Variants in FRA10AC1 observed in about 807,000 individuals in gnomAD.
FRA10AC1 encodes the protein protein FRA10AC1.
FRA10AC1 carries 43 observed loss-of-function variants against 56.5 expected under a neutral mutation model. The observed-to-expected ratio is 0.76, with a 90% CI of 0.60 to 0.98. The LOEUF (loss-of-function observed/expected upper bound fraction) is 0.98, where lower values mean the gene tolerates loss of function less well. FRA10AC1 is among the 50% of genes least tolerant of loss of function. The pLI, the probability that FRA10AC1 is intolerant of heterozygous loss-of-function variation, is 0.00. For synonymous variants in FRA10AC1, 112 were observed against 110.5 expected, an observed-to-expected ratio of 1.01 and a Z score of -0.09; for missense variants, 346 against 351.8, an observed-to-expected ratio of 0.98 and a Z score of 0.13.
Position 93,668,578 on chromosome 10 carries a change from G to A in FRA10AC1, c.*1248C>T, listed in dbSNP as rs914911496. ...TAAAGACATACCAGAGACTGGGGAA[G>A]AAAAAGAGGTTTAATTGGACTTACA... On this transcript the variant is annotated 3_prime_UTR_variant, in exon 14 of 14. Transcript: ENST00000359204. 1.3e-5 allele frequency: 2 copies of A among 153,686 alleles called. No homozygotes were observed. The highest frequency in any genetic ancestry group is 6.5e-5 in the Admixed American group (1 of 15,288). The allele number at this position is 153,686 out of a possible 1,614,324, so 9.5% of individuals were successfully genotyped here. A position where few individuals can be genotyped will look rare whatever the true frequency, so the allele number is the denominator to read the frequency against.
chr10:93,680,515 GCTA>G (rs1357718576), intron 11 of FRA10AC1, among the ~76,000 whole-genome samples: 1 of 152,136 alleles, frequency 6.6e-6, no homozygotes, highest in Non-Finnish European at 1.5e-5. Context: ...TTTAAACTCT[GCTA>G]CATAATGAAT....
chr10:93,700,099 C>T lies in FRA10AC1; in HGVS notation c.8G>A (p.Gly3Asp). The T allele has an allele frequency of 6.3e-7, 1 of 1,588,526 alleles. No individual in the cohort carries two copies. Among genetic ancestry groups the T allele is most frequent in the South Asian group, 1.1e-5 (1 of 90,106 alleles). The change falls in exon 2 of 14, where the codon GGT becomes GAT. Residue 3 changes from glycine to aspartate, a missense_variant. Transcript: ENST00000359204. MH[G>D]HGGYDSDFSD... ...AAAATCAGAATCATAGCCTCCATGACCATGCATCTGTAAAGGAGTACAAAG... is the reference window on the plus strand; with the variant it reads ...AAAATCAGAATCATAGCCTCCATGATCATGCATCTGTAAAGGAGTACAAAG...
intron 10 of FRA10AC1, among the ~76,000 whole-genome samples, 164 bp from the exon 11 acceptor site, chr10:93,681,762 TA>T (rs1165278173): frequency 1.3e-5 from 2 of 152,130 alleles, no homozygotes; most frequent in Non-Finnish European, 2.9e-5. Context: ...TTTATGCTTG[TA>T]TATTAATTAA....
intron 8 of FRA10AC1, among the ~76,000 whole-genome samples, chr10:93,686,404 A>G (rs998324883): frequency 6.6e-6 from 1 of 151,840 alleles, no homozygotes; most frequent in Non-Finnish European, 1.5e-5. Context: ...ATGAATTTAG[A>G]GACTACCCAT....
chr10:93,669,702 T>A lies in FRA10AC1; in HGVS notation c.*124A>T. 1 of 675,354 alleles carries A rather than the reference T, an allele frequency of 1.5e-6. No homozygotes were observed. Among genetic ancestry groups the A allele is most frequent in the East Asian group, 2.9e-5 (1 of 34,466 alleles). The allele number at this position is 675,354 out of a possible 1,614,324, so 41.8% of individuals were successfully genotyped here. ...CATTCTGAGAGAACCTGGATTTTTA[T>A]TTCCAAAGACAAACCACACAAGCTG... On this transcript the variant is annotated 3_prime_UTR_variant, in exon 14 of 14. Coordinates refer to ENST00000359204, the MANE Select transcript of FRA10AC1 (RefSeq NM_145246.5).
intron 2 of FRA10AC1, among the ~76,000 whole-genome samples, chr10:93,699,044 ATTC>A (rs1225730313): frequency 2.6e-5 from 4 of 152,132 alleles, no homozygotes; most frequent in Non-Finnish European, 5.9e-5. Context: ...GCCCAAGACA[ATTC>A]TTCTTCCGAT....
chr10:93,693,683 T>TACC lies in FRA10AC1; in HGVS notation c.297-955_297-954insGGT, dbSNP rs1377836051. ...CATATATATATACACCATATATATA[T>TACC]ATATATACCATATATATATACACAC... On this transcript the variant is annotated intron_variant, in intron 5 of 13. Coordinates refer to ENST00000359204, the MANE Select transcript of FRA10AC1 (RefSeq NM_145246.5). 4.6e-3 allele frequency among the ~76,000 whole-genome samples: 668 copies of TACC among 143,950 alleles called. 61 individuals carry two copies. Among genetic ancestry groups the TACC allele is most frequent in the Middle Eastern group, 7.3e-3 (2 of 274 alleles). The allele number at this position is 143,950 out of a possible 152,430, so 94.4% of individuals were successfully genotyped here. A position where few individuals can be genotyped will look rare whatever the true frequency, so the allele number is the denominator to read the frequency against.
chr10:93,695,806 A>T (rs1409339101), intron 4 of FRA10AC1, among the ~76,000 whole-genome samples: 17 of 152,176 alleles, frequency 1.1e-4, no homozygotes, highest in Admixed American at 1.1e-3. Flanking sequence ...TCTACCACTA[A>T]CTGGTCACAT....
chr10:93,692,617 G>T, intron 6 of FRA10AC1, 29 bp downstream of exon 6: 2 of 1,362,436 alleles, frequency 1.5e-6, no homozygotes, highest in Non-Finnish European at 2.1e-6. Flanking sequence ...TAAAGCATTT[G>T]ATGCATTACG....
intron 1 of FRA10AC1, among the ~76,000 whole-genome samples, chr10:93,701,110 T>TC (rs1163805169): frequency 6.6e-6 from 1 of 152,230 alleles, no homozygotes; most frequent in Non-Finnish European, 1.5e-5. Context: ...TGCTGGGACT[T>TC]CATTTTAGAA....
At chr10:93,673,186 T>G in intron 12 of FRA10AC1, 1 of 373,664 alleles carries the variant, frequency 2.7e-6, no homozygotes, top group Non-Finnish European at 5.2e-6. Context: ...GACAAGTTTT[T>G]CCTTAAATTA....
At chr10:93,696,682 T>C (rs576383437) in intron 4 of FRA10AC1, among the ~76,000 whole-genome samples, 2 of 152,320 alleles carry the variant, frequency 1.3e-5, no homozygotes, top group East Asian at 1.9e-4. Flanking sequence ...CTATTCACAA[T>C]AGCAAAGACA....
At chr10:93,681,402 A>G in intron 11 of FRA10AC1, 78 bp downstream of exon 11, 5 of 940,390 alleles carry the variant, frequency 5.3e-6, no homozygotes, top group Non-Finnish European at 8.0e-6. Context: ...GCATTCACCA[A>G]TTAGATGAAT....
chr10:93,685,729 A>AC lies in FRA10AC1; in HGVS notation c.512-371dup, dbSNP rs570288146. On this transcript the variant is annotated intron_variant, in intron 8 of 13. Transcript: ENST00000359204. ...CAAAAAAAACAACATACTCACAAAT[A>AC]CCCCCCCCAAAAAAAAACGCACTTT... Among the ~76,000 whole-genome samples, 397 of 147,656 alleles carry AC rather than the reference A, an allele frequency of 2.7e-3. 1 individual carries two copies. The highest frequency in any genetic ancestry group is 3.5e-3 in the Non-Finnish European group (230 of 66,514).
chr10:93,669,922 T>C, intron 13 of FRA10AC1, 54 bp from the exon 14 acceptor site: 2 of 909,066 alleles, frequency 2.2e-6, no homozygotes, highest in East Asian at 2.6e-5. Context: ...AATTACTACA[T>C]GATACATTAT....
In FRA10AC1 at chr10:93,692,091, T is replaced by G; in HGVS notation, c.383A>C (p.Glu128Ala). ...NEEDEMDMTW[E>A]KRLAKKYYDK... ...ATAGTATTTCTTAGCAAGTCTCTTC[T>G]CCCTAGACCCATGAAAATATAAATA... The change falls in exon 7 of 14, where the codon GAG becomes GCG. Residue 128 changes from glutamate (E) to alanine (A), a missense_variant and splice_region_variant. Glu to Ala is a moderately radical substitution (Grantham distance 107). Coordinates refer to ENST00000359204, the MANE Select transcript of FRA10AC1 (RefSeq NM_145246.5). 6.7e-7 allele frequency: 1 copy of G among 1,492,174 alleles called. No individual in the cohort carries two copies. The highest frequency in any genetic ancestry group is 8.9e-7 in the Non-Finnish European group (1 of 1,125,918). 92.4% of individuals were successfully genotyped at this position (1,492,174 alleles called of 1,614,324 possible). A position where few individuals can be genotyped will look rare whatever the true frequency, so the allele number is the denominator to read the frequency against.
intron 7 of FRA10AC1, among the ~76,000 whole-genome samples, chr10:93,688,977 C>A (rs2059077223): frequency 6.6e-6 from 1 of 151,820 alleles, no homozygotes; most frequent in South Asian, 2.1e-4. Flanking sequence ...ATAGTAACAA[C>A]CTTAAGTTCA....
chr10:93,686,401 T>C (rs144867503), intron 8 of FRA10AC1, among the ~76,000 whole-genome samples: 3,539 of 151,946 alleles, frequency 0.023, 147 homozygotes, highest in Admixed American at 0.11. Context: ...TATATGAATT[T>C]AGAGACTACC....
At chr10:93,694,139 G>A (rs1174540045) in intron 5 of FRA10AC1, among the ~76,000 whole-genome samples, 4 of 152,012 alleles carry the variant, frequency 2.6e-5, no homozygotes, top group Non-Finnish European at 4.4e-5. Context: ...TCTGATAGAA[G>A]AGCCTTAAAC....
Sources: gnomAD v4.1 joint callset for allele counts (sites outside exome capture counted in the v4.1 genomes callset) on GRCh38, gnomAD v4.1.1 for gene constraint, MANE v1.5 for transcripts, NCBI Gene and HGNC (gene_info 2026-07-23, HGNC 2026-07-21) for gene names.